GSDMC: variants seen among roughly 807,000 people sequenced by gnomAD.
The protein encoded by GSDMC is gasdermin C, also known as gasdermin-C.
In GSDMC, 59 loss-of-function variants were observed where a neutral mutation model predicts 58.0. The ratio of observed to expected loss-of-function variants is 1.02; its 90% CI spans 0.82 to 1.26. GSDMC has a LOEUF of 1.26. Ranked by LOEUF, GSDMC falls within the 50% of genes most tolerant of loss-of-function variation. GSDMC has a pLI of 0.00. For synonymous variants in GSDMC, 241 were observed against 220.2 expected, an observed-to-expected ratio of 1.09 and a Z score of -0.83; for missense variants, 659 against 598.5, an observed-to-expected ratio of 1.10 and a Z score of -1.06.
At chr8:129,713,194 C>G in the GSDMC span, among the ~76,000 whole-genome samples, 4 of 152,232 alleles carry the variant, frequency 2.6e-5, no homozygotes, top group Non-Finnish European at 5.9e-5. Flanking sequence ...CAGCACAATG[C>G]TCCAAGAGCT....
chr8:129,717,714 A>T, the GSDMC span, among the ~76,000 whole-genome samples: 1 of 152,166 alleles, frequency 6.6e-6, no homozygotes, highest in Admixed American at 6.6e-5. Context: ...TATAGAAAAA[A>T]CAATCCTAAG....
chr8:129,730,623 T>C, the GSDMC span, among the ~76,000 whole-genome samples: 1 of 152,332 alleles, frequency 6.6e-6, no homozygotes, highest in Non-Finnish European at 1.5e-5. Context: ...TTAGTAAAAA[T>C]CACACAATAT....
chr8:129,766,830 C>A (rs1471431165), intron 3 of GSDMC, among the ~76,000 whole-genome samples: 1 of 152,180 alleles, frequency 6.6e-6, no homozygotes, highest in African/African-American at 2.4e-5. Context: ...CAGCTTCAAA[C>A]AGCGTTCCAA....
rs995879299 is a variant in GSDMC, at chr8:129,762,642, C to A, written c.660G>T (p.Leu220=). ...GMVMAYKRKQ[L]VIKEKAILIS... is the part of the protein sequence containing the mutation. ...TGCTCCCACCTTTCTCCTTGATAAC[C>A]AGCTGCTTTCTCTTATAAGCCATCA... The change falls in exon 5 of 14, where the codon CTG becomes CTT. Residue 220 remains leucine, a synonymous_variant. Transcript: ENST00000276708. The A allele has an allele frequency of 2.5e-6, 4 of 1,611,150 alleles. No homozygotes were observed. The African/African-American group carries it at 4.0e-5, about 16-fold the overall frequency.
At chr8:129,775,674 A>C (rs1282834110) in intron 3 of GSDMC, among the ~76,000 whole-genome samples, 1 of 152,210 alleles carries the variant, frequency 6.6e-6, no homozygotes, top group Non-Finnish European at 1.5e-5. Flanking sequence ...AAAAATAAAA[A>C]TAAATCCCAA....
the GSDMC span, chr8:129,729,653 T>C: frequency 5.5e-6 from 2 of 364,826 alleles, no homozygotes; most frequent in African/African-American, 4.2e-5. Context: ...TCCTTTTTTA[T>C]GGCTGCATAG....
At chr8:129,717,657 T>C in the GSDMC span, among the ~76,000 whole-genome samples, 5 of 152,022 alleles carry the variant, frequency 3.3e-5, no homozygotes, top group Non-Finnish European at 7.4e-5. Flanking sequence ...CTCACAGAAT[T>C]AGAAAAAAAC....
At chr8:129,717,607 T>C in the GSDMC span, among the ~76,000 whole-genome samples, 1 of 152,162 alleles carries the variant, frequency 6.6e-6, no homozygotes, top group Non-Finnish European at 1.5e-5. Context: ...AAGTGATTTA[T>C]AGATTTGATG....
chr8:129,777,595 G>A lies in GSDMC; in HGVS notation c.-4-4C>T, dbSNP rs1206726885. On this transcript the variant is annotated splice_polypyrimidine_tract_variant and splice_region_variant and intron_variant, in intron 1 of 13. Transcript: ENST00000276708. ...TTCCAACATGGAGGGCATGTTGCTA[G>A]GAGGAGATGAAAGGAGAGCATCAGT... The A allele has an allele frequency of 6.6e-7, 1 of 1,518,042 alleles. No homozygotes were observed. Among genetic ancestry groups the A allele is most frequent in the South Asian group, 1.1e-5 (1 of 89,294 alleles). 94.0% of individuals were successfully genotyped at this position (1,518,042 alleles called of 1,614,324 possible).
At chr8:129,720,640 T>G in the GSDMC span, among the ~76,000 whole-genome samples, 38 of 152,314 alleles carry the variant, frequency 2.5e-4, no homozygotes, top group Non-Finnish European at 4.9e-4. Flanking sequence ...TCAATATATA[T>G]AGTCAATAAC....
intron 13 of GSDMC, 52 bp downstream of exon 13, chr8:129,749,400 T>G (rs2033076701): frequency 8.0e-7 from 1 of 1,242,974 alleles, no homozygotes; most frequent in African/African-American, 1.5e-5. Flanking sequence ...TCTTCTTACC[T>G]CTGGTTCCCT....
chr8:129,746,666 C>T (rs796266013), downstream of GSDMC, among the ~76,000 whole-genome samples: 7 of 152,286 alleles, frequency 4.6e-5, no homozygotes, highest in African/African-American at 1.7e-4. Context: ...TTCAGGCATA[C>T]ATTTAGATGT....
intron 5 of GSDMC, among the ~76,000 whole-genome samples, chr8:129,762,057 G>C (rs1331502270): frequency 6.6e-6 from 1 of 152,200 alleles, no homozygotes; most frequent in Non-Finnish European, 1.5e-5. Flanking sequence ...TCACACCTAG[G>C]TATGCAACTG....
chr8:129,739,071 C>A, the GSDMC span, among the ~76,000 whole-genome samples: 1 of 151,854 alleles, frequency 6.6e-6, no homozygotes, highest in Non-Finnish European at 1.5e-5. Flanking sequence ...ACTTTAAGTT[C>A]TGGGGTTTGT....
chr8:129,783,949 T>G (rs2034486666), intron 1 of GSDMC, among the ~76,000 whole-genome samples: 1 of 151,936 alleles, frequency 6.6e-6, no homozygotes, highest in East Asian at 1.9e-4. Context: ...ATACCTACAG[T>G]GAGCTCATTT....
chr8:129,754,922 C>T (rs182735760), intron 6 of GSDMC, among the ~76,000 whole-genome samples: 198 of 151,350 alleles, frequency 1.3e-3, no homozygotes, highest in Non-Finnish European at 2.5e-4. Context: ...GTCAGAGGAA[C>T]CAAAAGAAAA....
At chr8:129,765,601 C>T (rs1251391437) in intron 4 of GSDMC, 27 bp downstream of exon 4, 1 of 1,587,822 alleles carries the variant, frequency 6.3e-7, no homozygotes, top group Non-Finnish European at 8.6e-7. Context: ...TTTTGAATTT[C>T]AATCCCACTT....
chr8:129,717,724 G>C, the GSDMC span, among the ~76,000 whole-genome samples: 16 of 151,996 alleles, frequency 1.1e-4, no homozygotes, highest in Non-Finnish European at 4.4e-5. Flanking sequence ...ACAATCCTAA[G>C]CAAAAAGAAC....
chr8:129,716,877 T>C, the GSDMC span, among the ~76,000 whole-genome samples: 1 of 152,210 alleles, frequency 6.6e-6, no homozygotes, highest in Non-Finnish European at 1.5e-5. Flanking sequence ...GACATAATCA[T>C]GTAGTTTTTG....
Sources: allele counts gnomAD v4.1 joint callset (sites outside exome capture counted in the v4.1 genomes callset), GRCh38; gene constraint gnomAD v4.1.1; transcripts MANE v1.5; gene names NCBI Gene and HGNC (gene_info 2026-07-23, HGNC 2026-07-21).